Variants in HDAC9 observed in about 807,000 individuals in gnomAD.
HDAC9 encodes histone deacetylase 9.
Under a neutral mutation model 139.4 loss-of-function variants are expected in HDAC9, and 41 were observed. That is an observed-to-expected ratio of 0.29 (90% CI 0.23 to 0.38). The LOEUF is 0.38. Among genes scored for constraint, HDAC9 ranks in the 10% least tolerant of loss-of-function variants. The pLI is 1.00. For missense variants in HDAC9, 1,147 were observed against 1,297.0 expected (o/e 0.88, Z 1.78); for synonymous variants, 517 against 476.2 (o/e 1.09, Z -1.12).
rs942774735 is a variant in HDAC9 at position 18,873,803 on chromosome 7, C to T, written c.2685-675C>T. Among the ~76,000 whole-genome samples, 9 of 152,164 alleles carry T rather than the reference C, an allele frequency of 5.9e-5. No individual in the cohort carries two copies. In the East Asian group the frequency reaches 1.5e-3, roughly 26 times the overall value. On this transcript the variant is annotated intron_variant, in intron 21 of 25. Coordinates refer to ENST00000686413, the MANE Select transcript of HDAC9 (RefSeq NM_178425.4). Reference sequence around the variant, plus strand: ...GCTAGCAATGATGAGAAAGGGGTTTCGGAGCCCTGAAGTTGAGAAGGGAAG... The same window carrying T: ...GCTAGCAATGATGAGAAAGGGGTTTTGGAGCCCTGAAGTTGAGAAGGGAAG...
intron 2 of HDAC9, among the ~76,000 whole-genome samples, chr7:18,223,742 C>G (rs1243421401): frequency 6.6e-6 from 1 of 151,804 alleles, no homozygotes; most frequent in East Asian, 1.9e-4. Flanking sequence ...TACATGTTTC[C>G]TATATACTCT....
rs367646089 is a variant in HDAC9, at chr7:19,001,765, C to T, written c.*5703C>T. The T allele has an allele frequency of 2.0e-5, 3 of 151,158 alleles. No individual in the cohort carries two copies. The highest frequency in any genetic ancestry group is 4.5e-5 in the Non-Finnish European group (3 of 67,356). The allele number at this position is 151,158 out of a possible 1,614,324, so 9.4% of individuals were successfully genotyped here. On this transcript the variant is annotated 3_prime_UTR_variant, in exon 26 of 26. Transcript: ENST00000686413. Reference sequence around the variant, plus strand: ...TTCAGTGGTTTCTAGGTATAACAAACAAGCCGTTAAAAATGAGTGACCATT... The same window carrying T: ...TTCAGTGGTTTCTAGGTATAACAAATAAGCCGTTAAAAATGAGTGACCATT...
chr7:18,751,200 C>T (rs569045722), intron 14 of HDAC9, among the ~76,000 whole-genome samples: 2 of 152,210 alleles, frequency 1.3e-5, no homozygotes, highest in South Asian at 4.1e-4. Context: ...TTGTATAGCA[C>T]TAACCGACGT....
chr7:18,369,576 G>A (rs181130492), intron 1 of HDAC9, among the ~76,000 whole-genome samples: 14 of 151,742 alleles, frequency 9.2e-5, no homozygotes, highest in African/African-American at 2.9e-4. Context: ...TGATATCTGG[G>A]CTTTATTTAA....
chr7:18,711,319 C>T (rs182371354), intron 12 of HDAC9, among the ~76,000 whole-genome samples: 3 of 152,194 alleles, frequency 2.0e-5, no homozygotes, highest in African/African-American at 4.8e-5. Context: ...CTCTCCAACC[C>T]ACTGCTGCAA....
intron 8 of HDAC9, among the ~76,000 whole-genome samples, chr7:18,643,140 C>A (rs973928213): frequency 2.6e-5 from 4 of 152,042 alleles, no homozygotes; most frequent in African/African-American, 7.2e-5. Context: ...TCTATACTTA[C>A]AATTTTCGTG....
In HDAC9 at chr7:18,863,037, G is replaced by A. The variant is rs547961683; in HGVS notation, c.2685-11441G>A. Among the ~76,000 whole-genome samples the A allele has an allele frequency of 5.3e-5, 8 of 152,276 alleles. No homozygotes were observed. In the East Asian group the frequency reaches 7.7e-4, roughly 15 times the overall value. The stretch of plus-strand genomic sequence containing the variant: ...TAATTATCATCCCCATTCTGCTTTT[G>A]TGTCTGGAGAGATTTGGAACCAGCT... On this transcript the variant is annotated intron_variant, in intron 21 of 25. Coordinates refer to ENST00000686413, the MANE Select transcript of HDAC9 (RefSeq NM_178425.4).
intron 6 of HDAC9, among the ~76,000 whole-genome samples, chr7:18,608,795 A>C (rs1759621564): frequency 1.3e-5 from 2 of 152,206 alleles, no homozygotes; most frequent in Admixed American, 1.3e-4. Context: ...AGGATTTCTG[A>C]CATTAAGGAG....
At chr7:18,775,513 A>G (rs1443157126) in intron 16 of HDAC9, among the ~76,000 whole-genome samples, 1 of 152,014 alleles carries the variant, frequency 6.6e-6, no homozygotes, top group Non-Finnish European at 1.5e-5. Context: ...AAGACCTACA[A>G]GTAGCGAAAT....
intron 12 of HDAC9, 95 bp from the exon 13 acceptor site, chr7:18,727,485 T>C: frequency 9.7e-7 from 1 of 1,025,890 alleles, no homozygotes; most frequent in Non-Finnish European, 1.4e-6. Flanking sequence ...ATTATGTCTC[T>C]GACCTGATGA....
chr7:18,679,839 T>A (rs1170489172), intron 12 of HDAC9, among the ~76,000 whole-genome samples: 1 of 151,958 alleles, frequency 6.6e-6, no homozygotes, highest in African/African-American at 2.4e-5. Context: ...TATTATATTT[T>A]AATGCTTCTA....
At chr7:18,594,239 CA>C (rs1831825557) in intron 6 of HDAC9, among the ~76,000 whole-genome samples, 1 of 152,004 alleles carries the variant, frequency 6.6e-6, no homozygotes, top group Non-Finnish European at 1.5e-5. Context: ...ATCTCTTTTT[CA>C]GTTTAAAAGT....
intron 1 of HDAC9, among the ~76,000 whole-genome samples, chr7:18,153,753 A>G (rs1786962506): frequency 6.6e-6 from 1 of 152,180 alleles, no homozygotes; most frequent in Admixed American, 6.5e-5. Context: ...GAGTAAACAG[A>G]ATCAGTGCCA....
intron 1 of HDAC9, among the ~76,000 whole-genome samples, chr7:18,141,058 C>T (rs1785864983): frequency 6.6e-6 from 1 of 152,050 alleles, no homozygotes; most frequent in Non-Finnish European, 1.5e-5. Context: ...AAGTTGTGTG[C>T]CCTGATTAGC....
intron 6 of HDAC9, among the ~76,000 whole-genome samples, chr7:18,622,614 G>T (rs994990035): frequency 4.0e-5 from 6 of 151,838 alleles, no homozygotes; most frequent in Admixed American, 3.9e-4. Flanking sequence ...GAGCCACCGT[G>T]CCCGGCCTAA....
intron 24 of HDAC9, among the ~76,000 whole-genome samples, chr7:18,972,849 C>G (rs1784332190): frequency 6.6e-6 from 1 of 152,274 alleles, no homozygotes; most frequent in Non-Finnish European, 1.5e-5. Context: ...AAATAAACCA[C>G]AAAGTCTAGA....
At chr7:18,887,134 T>A (rs941578038) in intron 22 of HDAC9, among the ~76,000 whole-genome samples, 1 of 151,972 alleles carries the variant, frequency 6.6e-6, no homozygotes, top group Non-Finnish European at 1.5e-5. Context: ...CTATAGGAAG[T>A]TCTCCTCACA....
At chr7:18,328,175 G>A (rs1223279602) in intron 1 of HDAC9, among the ~76,000 whole-genome samples, 1 of 151,920 alleles carries the variant, frequency 6.6e-6, no homozygotes, top group Non-Finnish European at 1.5e-5. Flanking sequence ...AAATTGGAGA[G>A]GAAACTACAC....
intron 6 of HDAC9, among the ~76,000 whole-genome samples, chr7:18,618,620 G>C (rs965295710): frequency 4.0e-5 from 6 of 151,374 alleles, no homozygotes; most frequent in Non-Finnish European, 7.4e-5. Flanking sequence ...CTTATGAACT[G>C]TCTGAGTAGG....
Sources: gnomAD v4.1 joint callset for allele counts (sites outside exome capture counted in the v4.1 genomes callset) on GRCh38, gnomAD v4.1.1 for gene constraint, MANE v1.5 for transcripts, NCBI Gene and HGNC (gene_info 2026-07-23, HGNC 2026-07-21) for gene names.